The following GADL1 variants were observed in gnomAD, a reference collection of about 807,000 sequenced individuals.
The protein encoded by GADL1 is acidic amino acid decarboxylase GADL1.
Under a neutral mutation model 69.5 loss-of-function variants are expected in GADL1, and 71 were observed. The observed-to-expected ratio is 1.02, with a 90% CI of 0.84 to 1.25. The LOEUF is 1.25. GADL1 is among the 50% of genes most tolerant of loss of function. The pLI is 0.00. For missense variants in GADL1, 737 were observed against 631.8 expected (o/e 1.17, Z -1.79); for synonymous variants, 254 against 214.4 (o/e 1.18, Z -1.62).
At position 30,733,141 on chromosome 3, in the gene GADL1, C is replaced by T. The variant is rs562064747; in HGVS notation, c.1393-4726G>A. 7.9e-5 allele frequency among the ~76,000 whole-genome samples: 12 copies of T among 152,044 alleles called. No homozygotes were observed. In the South Asian group the frequency reaches 2.5e-3, roughly 32 times the overall value. ...TATAAACTAATACTTTAGTAAAATA[C>T]AATAAAAATCAATTACTAGCAAAAT... On this transcript the variant is annotated intron_variant, in intron 14 of 14. Coordinates refer to ENST00000282538, the MANE Select transcript of GADL1 (RefSeq NM_207359.3).
intron 12 of GADL1, among the ~76,000 whole-genome samples, chr3:30,793,268 T>G (rs1417298935): frequency 6.6e-6 from 1 of 152,216 alleles, no homozygotes; most frequent in African/African-American, 2.4e-5. Flanking sequence ...ATGAAATGTG[T>G]TGTTGGAAGG....
intron 14 of GADL1, among the ~76,000 whole-genome samples, chr3:30,741,026 A>G (rs934110643): frequency 3.0e-5 from 4 of 133,194 alleles, no homozygotes; most frequent in Non-Finnish European, 4.6e-5. Context: ...TATATAATAT[A>G]TTATATAATA....
chr3:30,762,710 T>C (rs76679006), intron 14 of GADL1, among the ~76,000 whole-genome samples: 3,816 of 152,278 alleles, frequency 0.025, 144 homozygotes, highest in African/African-American at 0.082. Flanking sequence ...CTTCATTCTT[T>C]TTATTTTGGA....
chr3:30,835,337 A>G (rs997661424), intron 9 of GADL1, among the ~76,000 whole-genome samples: 1 of 152,072 alleles, frequency 6.6e-6, no homozygotes, highest in Non-Finnish European at 1.5e-5. Flanking sequence ...AGCAACTTCT[A>G]TTTTTGGCTA....
At position 30,863,469 on chromosome 3, in the gene GADL1, C is replaced by A. The variant is rs1227895298; in HGVS notation, c.38-1704G>T. 2.0e-5 allele frequency among the ~76,000 whole-genome samples: 3 copies of A among 151,938 alleles called. No homozygotes were observed. The South Asian group carries it at 6.2e-4, about 31-fold the overall frequency. ...ATCTGAGAAGAAAGGTTACTGCCTA[C>A]CCAAAATAGCCCTCCACAAAAATAA... On this transcript the variant is annotated intron_variant, in intron 1 of 14. Coordinates refer to ENST00000282538, the MANE Select transcript of GADL1 (RefSeq NM_207359.3).
chr3:30,752,163 C>G (rs913471883), intron 14 of GADL1, among the ~76,000 whole-genome samples: 1 of 149,306 alleles, frequency 6.7e-6, no homozygotes, highest in Non-Finnish European at 1.5e-5. Context: ...GCAGAAGATG[C>G]GGCTCTGATG....
intron 12 of GADL1, chr3:30,797,739 T>TG (rs755315200): frequency 2.6e-5 from 4 of 151,962 alleles, no homozygotes; most frequent in Non-Finnish European, 5.9e-5. Context: ...GGCATCATCA[T>TG]GTTCAGCTAG....
At chr3:30,796,695 G>C (rs1003260214) in intron 12 of GADL1, among the ~76,000 whole-genome samples, 1 of 152,170 alleles carries the variant, frequency 6.6e-6, no homozygotes. Flanking sequence ...GATGCAGAGA[G>C]ACTGAGGACT....
intron 1 of GADL1, among the ~76,000 whole-genome samples, chr3:30,880,751 G>A (rs1407942444): frequency 6.6e-6 from 1 of 151,878 alleles, no homozygotes; most frequent in African/African-American, 2.4e-5. Context: ...CCAATTCCCT[G>A]CAGATTCTGA....
At chr3:30,865,765 G>A (rs903943451) in intron 1 of GADL1, among the ~76,000 whole-genome samples, 8 of 151,858 alleles carry the variant, frequency 5.3e-5, no homozygotes, top group African/African-American at 1.9e-4. Context: ...TCTTGTTACC[G>A]CAGCCACTTT....
intron 14 of GADL1, among the ~76,000 whole-genome samples, chr3:30,761,023 A>G (rs1166080321): frequency 2.7e-5 from 4 of 150,870 alleles, no homozygotes; most frequent in African/African-American, 4.9e-5. Context: ...ACCATGCAGA[A>G]CACAACCCAC....
intron 14 of GADL1, among the ~76,000 whole-genome samples, chr3:30,768,042 C>G (rs1452476314): frequency 1.3e-5 from 2 of 151,060 alleles, no homozygotes; most frequent in Non-Finnish European, 3.0e-5. Context: ...CATACCCCCC[C>G]CCCCCTTATC....
chr3:30,752,629 C>T (rs945891311), intron 14 of GADL1, among the ~76,000 whole-genome samples: 6 of 152,072 alleles, frequency 3.9e-5, no homozygotes, highest in African/African-American at 1.2e-4. Flanking sequence ...CCTTAAATAT[C>T]GTTACAAGAA....
At chr3:30,763,941 A>T (rs1227146712) in intron 14 of GADL1, among the ~76,000 whole-genome samples, 1 of 152,280 alleles carries the variant, frequency 6.6e-6, no homozygotes, top group African/African-American at 2.4e-5. Flanking sequence ...GATAATAAAA[A>T]GGAAAAAATC....
chr3:30,768,126 A>G (rs1696328058), intron 14 of GADL1, among the ~76,000 whole-genome samples: 1 of 151,198 alleles, frequency 6.6e-6, no homozygotes, highest in Non-Finnish European at 1.5e-5. Context: ...AAATGTATAC[A>G]GACTTCTTAA....
intron 13 of GADL1, among the ~76,000 whole-genome samples, chr3:30,785,131 ACTATAT>A (rs1696760044): frequency 1.3e-5 from 2 of 152,180 alleles, no homozygotes; most frequent in African/African-American, 4.8e-5. Flanking sequence ...CCAGTACAGT[ACTATAT>A]CTATAACCTG....
At chr3:30,769,784 T>C (rs1454379797) in intron 14 of GADL1, among the ~76,000 whole-genome samples, 1 of 152,206 alleles carries the variant, frequency 6.6e-6, no homozygotes, top group Non-Finnish European at 1.5e-5. Flanking sequence ...ATGAGACCGT[T>C]ATCTTCTAGT....
At chr3:30,868,528 C>T (rs951166962) in intron 1 of GADL1, among the ~76,000 whole-genome samples, 10 of 150,514 alleles carry the variant, frequency 6.6e-5, no homozygotes, top group Non-Finnish European at 1.0e-4. Context: ...ATCCGTATTT[C>T]TTTTCTGGCA....
At chr3:30,738,118 C>T (rs1695564128) in intron 14 of GADL1, among the ~76,000 whole-genome samples, 1 of 152,214 alleles carries the variant, frequency 6.6e-6, no homozygotes, top group Admixed American at 6.5e-5. Context: ...GTCTCAGCAG[C>T]CACCTGAGCT....
Sources: gnomAD v4.1 joint callset for allele counts (sites outside exome capture counted in the v4.1 genomes callset) on GRCh38, gnomAD v4.1.1 for gene constraint, MANE v1.5 for transcripts, NCBI Gene and HGNC (gene_info 2026-07-23, HGNC 2026-07-21) for gene names.